The following PTGFRN variants were observed in gnomAD, a reference collection of about 807,000 sequenced individuals.
PTGFRN encodes the protein prostaglandin F2 receptor inhibitor.
PTGFRN carries 35 observed loss-of-function variants against 83.2 expected under a neutral mutation model. The ratio of observed to expected loss-of-function variants is 0.42; its 90% CI spans 0.32 to 0.56. The LOEUF (loss-of-function observed/expected upper bound fraction) is 0.56. Ranked by LOEUF, PTGFRN falls within the 20% of genes least tolerant of loss-of-function variation. The pLI is 0.11. For missense variants in PTGFRN, 1,051 were observed against 1,179.5 expected, an observed-to-expected ratio of 0.89 and a Z score of 1.60; for synonymous variants, 519 against 498.6, an observed-to-expected ratio of 1.04 and a Z score of -0.55.
chr1:116,985,989 G>C (rs1557752430), intron 8 of PTGFRN, among the ~76,000 whole-genome samples: 1 of 152,244 alleles, frequency 6.6e-6, no homozygotes, highest in Admixed American at 6.5e-5. Flanking sequence ...CTCCGAGGAT[G>C]AGTAAAAGCC....
At position 116,967,132 on chromosome 1, in the gene PTGFRN, G is replaced by C. The variant is rs752916329; in HGVS notation, c.1861G>C (p.Asp621His). 1 of 1,614,098 alleles carries C rather than the reference G, an allele frequency of 6.2e-7. No individual in the cohort carries two copies. The highest frequency in any genetic ancestry group is 2.2e-5 in the East Asian group (1 of 44,890). ...TGTGGTGAAGCTGGAGAATTGGACAGATGCATCACGGGTGGATGGCGTTGT... is the reference window on the plus strand; with the variant it reads ...TGTGGTGAAGCTGGAGAATTGGACACATGCATCACGGGTGGATGGCGTTGT... ...DSVVKLENWT[D>H]ASRVDGVVLE... Residue 621 changes from aspartate (D) to histidine (H), a missense_variant, in exon 6 of 9, where the codon GAT (aspartate) becomes CAT (histidine). Physicochemically the swap from Asp to His is moderately conservative, Grantham distance 81. Transcript: ENST00000393203.
At chr1:116,928,073 C>T (rs1034478643) in intron 1 of PTGFRN, among the ~76,000 whole-genome samples, 2 of 152,168 alleles carry the variant, frequency 1.3e-5, no homozygotes, top group African/African-American at 4.8e-5. Flanking sequence ...CCTTCTTACC[C>T]CCTGTGGCCT....
intron 6 of PTGFRN, among the ~76,000 whole-genome samples, chr1:116,973,944 C>T (rs1181899400): frequency 6.6e-6 from 1 of 152,248 alleles, no homozygotes; most frequent in African/African-American, 2.4e-5. Context: ...AATGAGGTCA[C>T]TGTGGCCACC....
intron 6 of PTGFRN, among the ~76,000 whole-genome samples, chr1:116,972,275 G>A (rs1055138683): frequency 3.9e-5 from 6 of 152,208 alleles, no homozygotes; most frequent in South Asian, 2.1e-4. Flanking sequence ...TCCTGGAACA[G>A]CCATTCTGTC....
At chr1:116,975,988 G>A (rs1042203762) in intron 7 of PTGFRN, among the ~76,000 whole-genome samples, 6 of 152,166 alleles carry the variant, frequency 3.9e-5, no homozygotes, top group Admixed American at 6.5e-5. Context: ...AAGATTAGAC[G>A]AATGGCTAAA....
At position 116,988,237 on chromosome 1, in the gene PTGFRN, T is replaced by G. The variant is rs978399576; in HGVS notation, c.*1270T>G. On this transcript the variant is annotated 3_prime_UTR_variant, in exon 9 of 9. Coordinates refer to ENST00000393203, the MANE Select transcript of PTGFRN (RefSeq NM_020440.4). ...ATGTTTTGCTTTCCTAATAGGGACATGAAGGAAACCCAGCAATTTGCTGTT... is the reference window on the plus strand; with the variant it reads ...ATGTTTTGCTTTCCTAATAGGGACAGGAAGGAAACCCAGCAATTTGCTGTT... 2.0e-5 allele frequency: 3 copies of G among 152,198 alleles called. No homozygotes were observed. The highest frequency in any genetic ancestry group is 4.4e-5 in the Non-Finnish European group (3 of 68,054). 9.4% of individuals were successfully genotyped at this position (152,198 alleles called of 1,614,324 possible).
Position 116,909,961 on chromosome 1 carries a change from C to T in PTGFRN, c.-243C>T. The stretch of plus-strand genomic sequence containing the variant: ...GGTCGGGGCTGCACACTCGGATCGG[C>T]GGGGCCGGCTCCCGGGCCCGGCCGG... On this transcript the variant is annotated 5_prime_UTR_variant, in exon 1 of 9. Transcript: ENST00000393203. 1 of 567,402 alleles carries T rather than the reference C, an allele frequency of 1.8e-6. No individual in the cohort carries two copies. Among genetic ancestry groups the T allele is most frequent in the Non-Finnish European group, 3.1e-6 (1 of 321,156 alleles). 35.1% of individuals were successfully genotyped at this position (567,402 alleles called of 1,614,324 possible). A position where few individuals can be genotyped will look rare whatever the true frequency, so the allele number is the denominator to read the frequency against.
chr1:116,915,114 C>G (rs1036182374), intron 1 of PTGFRN, among the ~76,000 whole-genome samples: 2 of 152,228 alleles, frequency 1.3e-5, no homozygotes, highest in East Asian at 3.8e-4. Context: ...TCCATTCTGT[C>G]TCTGCTAAGG....
At chr1:116,976,323 C>G (rs1030175809) in intron 7 of PTGFRN, among the ~76,000 whole-genome samples, 1 of 152,178 alleles carries the variant, frequency 6.6e-6, no homozygotes, top group Non-Finnish European at 1.5e-5. Flanking sequence ...AGTAGAACTT[C>G]CCCAACCTAG....
Position 116,949,586 on chromosome 1 carries a change from A to G in PTGFRN, c.1213+14A>G. On this transcript the variant is annotated intron_variant, in intron 4 of 8. Coordinates refer to ENST00000393203, the MANE Select transcript of PTGFRN (RefSeq NM_020440.4). ...TGACCTGGCTAGGTGAGTGGTTTGG[A>G]GAATGACTCTTAACCTCTTCAGCTT... The G allele has an allele frequency of 6.2e-7, 1 of 1,606,510 alleles. No individual in the cohort carries two copies. The highest frequency in any genetic ancestry group is 8.5e-7 in the Non-Finnish European group (1 of 1,176,466).
In PTGFRN at chr1:116,918,312, T is replaced by C. The variant is rs7365057; in HGVS notation, c.49+8060T>C. On this transcript the variant is annotated intron_variant, in intron 1 of 8. Transcript: ENST00000393203. The surrounding 1 kb of genome is among the most constrained non-coding windows in gnomAD (Gnocchi z 4.1). ...TTTTCTAACCTCTTTGAATCTCACT[T>C]TCTGTCTCTGTGAAATGGGAATAAT... Among the ~76,000 whole-genome samples the C allele has an allele frequency of 0.064, 9,727 of 152,266 alleles. 383 individuals carry two copies. Among genetic ancestry groups the C allele is most frequent in the East Asian group, 0.15 (786 of 5,184 alleles).
intron 1 of PTGFRN, among the ~76,000 whole-genome samples, chr1:116,919,611 C>CT (rs1649491642): frequency 1.3e-5 from 2 of 152,204 alleles, no homozygotes; most frequent in African/African-American, 4.8e-5. Context: ...TGTTGTTACC[C>CT]CTGTTTAATA....
chr1:116,989,832 C>G lies in PTGFRN; in HGVS notation c.*2865C>G, dbSNP rs200381206. The G allele has an allele frequency of 6.6e-6, 1 of 152,536 alleles. No individual in the cohort carries two copies. Among genetic ancestry groups the G allele is most frequent in the Non-Finnish European group, 1.5e-5 (1 of 68,022 alleles). 9.4% of individuals were successfully genotyped at this position (152,536 alleles called of 1,614,324 possible). ...TGTATTTATTTGAGTGTCTTTCCCCCCCTCACCCTCACCATCTGAGGGGCT... is the reference window on the plus strand; with the variant it reads ...TGTATTTATTTGAGTGTCTTTCCCCGCCTCACCCTCACCATCTGAGGGGCT... On this transcript the variant is annotated 3_prime_UTR_variant, in exon 9 of 9. Transcript: ENST00000393203.
intron 5 of PTGFRN, among the ~76,000 whole-genome samples, chr1:116,965,853 G>A (rs570092739): frequency 2.6e-5 from 4 of 152,254 alleles, no homozygotes; most frequent in Admixed American, 6.5e-5. Context: ...AGTATGGAAG[G>A]CTGTCAATAA....
intron 2 of PTGFRN, 109 bp from the exon 3 acceptor site, chr1:116,944,570 T>C: frequency 8.8e-7 from 1 of 1,134,116 alleles, no homozygotes; most frequent in South Asian, 3.2e-5. Flanking sequence ...ATCCGGGTCT[T>C]GGAATGGGAA....
At chr1:116,917,688 G>A (rs940024069) in intron 1 of PTGFRN, among the ~76,000 whole-genome samples, 22 of 152,110 alleles carry the variant, frequency 1.4e-4, no homozygotes. Flanking sequence ...GGATTACAGT[G>A]GTGCAATCAC....
chr1:116,982,005 A>C lies in PTGFRN; in HGVS notation c.2168-2675A>C, dbSNP rs559274409. Among the ~76,000 whole-genome samples the C allele has an allele frequency of 2.6e-3, 393 of 152,308 alleles. 1 individual carries two copies. The highest frequency in any genetic ancestry group is 3.6e-3 in the Non-Finnish European group (243 of 68,030). Reference sequence around the variant, plus strand: ...TCCATGGAGTTGGTTAGCTCCATTCACAGGGGAAGAGGAATGAGAAGCCAC... The same window carrying C: ...TCCATGGAGTTGGTTAGCTCCATTCCCAGGGGAAGAGGAATGAGAAGCCAC... On this transcript the variant is annotated intron_variant, in intron 7 of 8. Coordinates refer to ENST00000393203, the MANE Select transcript of PTGFRN (RefSeq NM_020440.4).
chr1:116,919,064 C>A (rs931704090), intron 1 of PTGFRN, among the ~76,000 whole-genome samples: 3 of 152,110 alleles, frequency 2.0e-5, no homozygotes, highest in Non-Finnish European at 4.4e-5. Flanking sequence ...CTTCTGAGTT[C>A]AGGGTTTTGG....
Position 116,910,160 on chromosome 1 carries a change from C to T in PTGFRN, c.-44C>T, listed in dbSNP as rs1438167942. ...GGAAGAGGAGGAGGAGGAGAGGCGG[C>T]GGGGAAGGAGGAGGAGGGGGAGAGT... On this transcript the variant is annotated 5_prime_UTR_variant, in exon 1 of 9. Transcript: ENST00000393203. 1.3e-6 allele frequency: 2 copies of T among 1,512,550 alleles called. No individual in the cohort carries two copies. The highest frequency in any genetic ancestry group is 1.2e-5 in the South Asian group (1 of 82,514). The allele number at this position is 1,512,550 out of a possible 1,614,324, so 93.7% of individuals were successfully genotyped here. A position where few individuals can be genotyped will look rare whatever the true frequency, so the allele number is the denominator to read the frequency against.
Sources: gnomAD v4.1 joint callset for allele counts (sites outside exome capture counted in the v4.1 genomes callset) on GRCh38, gnomAD v4.1.1 for gene constraint, Gnocchi (gnomAD v3.1) non-coding constraint, MANE v1.5 for transcripts, NCBI Gene and HGNC (gene_info 2026-07-23, HGNC 2026-07-21) for gene names.